FRMPD4: variants seen among roughly 807,000 people sequenced by gnomAD.
The protein encoded by FRMPD4 is FERM and PDZ domain containing 4.
In FRMPD4, 22 loss-of-function variants were observed where a neutral mutation model predicts 94.1. That is an observed-to-expected ratio of 0.23 (90% confidence interval 0.17 to 0.33). The LOEUF is 0.33. FRMPD4 is among the 10% of genes least tolerant of loss of function. The pLI is 1.00. For synonymous variants in FRMPD4, 631 were observed against 548.6 expected, an observed-to-expected ratio of 1.15 and a Z score of -2.10; for missense variants, 1,111 against 1,339.9, an observed-to-expected ratio of 0.83 and a Z score of 2.67.
At chrX:12,529,023 C>T (rs1217062530) in intron 2 of FRMPD4, among the ~76,000 whole-genome samples, 2 of 112,604 alleles carry the variant, frequency 1.8e-5, no homozygotes, top group Non-Finnish European at 3.8e-5. Context: ...AAACAACTTA[C>T]AGTTATTCTC....
intron 3 of FRMPD4, among the ~76,000 whole-genome samples, chrX:12,020,633 A>C (rs141526281): frequency 0.011 from 1,221 of 112,376 alleles, 16 homozygotes; most frequent in African/African-American, 0.038. Context: ...GGAGGCTGAA[A>C]GATGTAATTG....
intron 2 of FRMPD4, among the ~76,000 whole-genome samples, chrX:12,511,761 G>GAA (rs56089925): frequency 1.1e-4 from 12 of 109,729 alleles, no homozygotes; most frequent in African/African-American, 4.0e-4. Flanking sequence ...CAAACTTGAG[G>GAA]AAAAAAAATG....
At chrX:12,621,595 G>T (rs190153561) in intron 4 of FRMPD4, among the ~76,000 whole-genome samples, 1 of 73,449 alleles carries the variant, frequency 1.4e-5, no homozygotes, top group Non-Finnish European at 2.6e-5. Flanking sequence ...GCCAAGGCAG[G>T]CAGATGGCTT....
At chrX:12,018,135 G>T (rs2054613774) in intron 3 of FRMPD4, among the ~76,000 whole-genome samples, 1 of 108,845 alleles carries the variant, frequency 9.2e-6, no homozygotes, top group Admixed American at 9.7e-5. Context: ...AACTACAGTG[G>T]GAAAAAAAAA....
At chrX:11,881,791 A>C (rs138146963) in intron 3 of FRMPD4, among the ~76,000 whole-genome samples, 1 of 112,354 alleles carries the variant, frequency 8.9e-6, no homozygotes, top group African/African-American at 3.2e-5. Context: ...TAAAACATGA[A>C]AAATAAGAAT....
chrX:12,200,274 C>T (rs775426046), intron 1 of FRMPD4, among the ~76,000 whole-genome samples: 1 of 111,376 alleles, frequency 9.0e-6, no homozygotes, highest in South Asian at 3.8e-4. Flanking sequence ...GTTAGTTCAG[C>T]CTATGCCCAG....
intron 3 of FRMPD4, among the ~76,000 whole-genome samples, chrX:11,914,750 G>A (rs1328060916): frequency 8.9e-6 from 1 of 112,454 alleles, no homozygotes; most frequent in East Asian, 2.8e-4. Context: ...TGTAGCAGCT[G>A]TGGCTAAACA....
At chrX:12,056,515 T>C (rs1174478641) in intron 3 of FRMPD4, among the ~76,000 whole-genome samples, 1 of 111,393 alleles carries the variant, frequency 9.0e-6, no homozygotes, top group East Asian at 2.8e-4. Flanking sequence ...GGTTCTGGTT[T>C]CTATGACCCG....
At chrX:12,508,893 G>A (rs993293512) in intron 2 of FRMPD4, among the ~76,000 whole-genome samples, 4 of 105,405 alleles carry the variant, frequency 3.8e-5, no homozygotes, top group Admixed American at 1.0e-4. Flanking sequence ...TCAGGAGGCC[G>A]AGGCAAGAGA....
At chrX:12,204,253 AAAG>A (rs2056665006) in intron 1 of FRMPD4, among the ~76,000 whole-genome samples, 1 of 112,413 alleles carries the variant, frequency 8.9e-6, no homozygotes, top group African/African-American at 3.2e-5. Flanking sequence ...CCCCCACAAC[AAAG>A]AATTACCCAG....
chrX:12,364,945 G>T (rs2056052641), intron 1 of FRMPD4, among the ~76,000 whole-genome samples: 1 of 112,634 alleles, frequency 8.9e-6, no homozygotes, highest in Non-Finnish European at 1.9e-5. Context: ...CCTAGGGGTA[G>T]GCTTCCAGCT....
chrX:12,482,035 AATC>A (rs1387920165), intron 1 of FRMPD4, among the ~76,000 whole-genome samples: 1 of 107,143 alleles, frequency 9.3e-6, no homozygotes, highest in African/African-American at 3.4e-5. Context: ...AGTAGAAGTG[AATC>A]ATCATAAAAT....
intron 9 of FRMPD4, among the ~76,000 whole-genome samples, chrX:12,694,790 A>G (rs1431056477): frequency 8.9e-6 from 1 of 111,951 alleles, no homozygotes; most frequent in Non-Finnish European, 1.9e-5. Context: ...TTTCTAAACC[A>G]TATGAAGGTC....
chrX:12,505,727 G>GAAAAA (rs34064982), intron 2 of FRMPD4, among the ~76,000 whole-genome samples: 5 of 46,313 alleles, frequency 1.1e-4, no homozygotes, highest in Non-Finnish European at 1.4e-4. Context: ...AACTCCATCC[G>GAAAAA]AAAAAAAAAA....
intron 1 of FRMPD4, among the ~76,000 whole-genome samples, chrX:12,439,137 T>G (rs1246588953): frequency 9.0e-6 from 1 of 111,217 alleles, no homozygotes; most frequent in African/African-American, 3.3e-5. Flanking sequence ...GCTTATGAAA[T>G]CCATTATGAA....
Position 12,614,829 on chromosome X carries a change from A to G in FRMPD4, c.370A>G (p.Asn124Asp). 1.7e-6 allele frequency: 2 copies of G among 1,193,892 alleles called. No homozygotes were observed. Among genetic ancestry groups the G allele is most frequent in the Non-Finnish European group, 2.3e-6 (2 of 880,108 alleles). ...LIPGDQIVMI[N>D]DEPVSAAPRE... ...CCCGGGAGATCAGATTGTAATGATTAATGATGAACCGGTCAGCGCTGCACC... is the reference window on the plus strand; with the variant it reads ...CCCGGGAGATCAGATTGTAATGATTGATGATGAACCGGTCAGCGCTGCACC... Residue 124 changes from asparagine to aspartate, a missense_variant, in exon 4 of 17, where the codon AAT (asparagine) becomes GAT (aspartate). Coordinates refer to ENST00000675598, the MANE Select transcript of FRMPD4 (RefSeq NM_001368397.1).
intron 11 of FRMPD4, among the ~76,000 whole-genome samples, chrX:12,706,026 C>A (rs2147147010): frequency 9.0e-6 from 1 of 111,067 alleles, no homozygotes; most frequent in East Asian, 2.8e-4. Context: ...TGGTCTACAC[C>A]TTGTTGGAAA....
At chrX:12,332,030 A>G (rs1414914490) in intron 1 of FRMPD4, among the ~76,000 whole-genome samples, 1 of 68,997 alleles carries the variant, frequency 1.4e-5, no homozygotes, top group East Asian at 4.0e-4. Context: ...TAAATTATAT[A>G]TATTTATATA....
At position 12,121,579 on chromosome X, in the gene FRMPD4, G is replaced by A. The variant is rs1373295931; in HGVS notation, c.95+243561G>A. Among the ~76,000 whole-genome samples, 5 of 111,795 alleles carry A rather than the reference G, an allele frequency of 4.5e-5. No individual in the cohort carries two copies. The South Asian group carries it at 1.5e-3, about 34-fold the overall frequency. On this transcript the variant is annotated intron_variant, in intron 3 of 18. Coordinates refer to the FRMPD4 transcript ENST00000640291. ...TTGCATAAGGCGATCTGAGCATATT[G>A]TAACTTTCCCTGATCCTTCCATGGT...
Sources: allele counts gnomAD v4.1 joint callset (sites outside exome capture counted in the v4.1 genomes callset), GRCh38; gene constraint gnomAD v4.1.1; transcripts MANE v1.5; gene names NCBI Gene and HGNC (gene_info 2026-07-23, HGNC 2026-07-21).